Variants in ALPK2 observed in about 807,000 individuals in gnomAD.
ALPK2 encodes alpha-protein kinase 2.
ALPK2 carries 127 observed loss-of-function variants against 163.1 expected under a neutral mutation model. That is an observed-to-expected ratio of 0.78 (90% confidence interval 0.67 to 0.90). ALPK2 has a LOEUF of 0.90. Ranked by LOEUF, ALPK2 falls within the 40% of genes least tolerant of loss-of-function variation. The pLI, the probability that ALPK2 is intolerant of heterozygous loss-of-function variation, is 0.00. For missense variants in ALPK2, 2,360 were observed against 2,589.6 expected, an observed-to-expected ratio of 0.91 and a Z score of 1.92; for synonymous variants, 953 against 959.1, an observed-to-expected ratio of 0.99 and a Z score of 0.12.
chr18:58,565,142 A>G (rs1341485619), intron 4 of ALPK2, among the ~76,000 whole-genome samples: 1 of 152,238 alleles, frequency 6.6e-6, no homozygotes, highest in Non-Finnish European at 1.5e-5. Flanking sequence ...TGAGCAGGCC[A>G]CATTTTATTT....
chr18:58,577,643 TCTC>T (rs2051928769), intron 4 of ALPK2, among the ~76,000 whole-genome samples: 1 of 152,216 alleles, frequency 6.6e-6, no homozygotes, highest in Non-Finnish European at 1.5e-5. Flanking sequence ...AGAATCTGGT[TCTC>T]CTGTGAAAAG....
intron 12 of ALPK2, among the ~76,000 whole-genome samples, chr18:58,495,384 G>A (rs1452910221): frequency 6.6e-6 from 1 of 152,164 alleles, no homozygotes; most frequent in African/African-American, 2.4e-5. Context: ...GGGTGGGAAG[G>A]CAATGAGTAA....
intron 12 of ALPK2, among the ~76,000 whole-genome samples, chr18:58,488,821 A>G (rs2051355015): frequency 6.6e-6 from 1 of 152,072 alleles, no homozygotes; most frequent in African/African-American, 2.4e-5. Flanking sequence ...GGCTGGACTT[A>G]GGCTCCGGTA....
chr18:58,482,292 G>T (rs1296558346), intron 12 of ALPK2, among the ~76,000 whole-genome samples: 1 of 152,096 alleles, frequency 6.6e-6, no homozygotes. Flanking sequence ...AGGGGTCCCA[G>T]GTGCTCACGG....
chr18:58,530,488 G>A (rs945961987), intron 5 of ALPK2, among the ~76,000 whole-genome samples: 5 of 152,210 alleles, frequency 3.3e-5, no homozygotes, highest in East Asian at 1.9e-4. Flanking sequence ...TCCAGGTCTC[G>A]ACCAAGCCCA....
chr18:58,599,322 T>A (rs2052057152), intron 3 of ALPK2, among the ~76,000 whole-genome samples: 1 of 152,208 alleles, frequency 6.6e-6, no homozygotes, highest in Non-Finnish European at 1.5e-5. Context: ...GTCTGAGTCA[T>A]GGCCCTGATG....
At position 58,485,685 on chromosome 18, in the gene ALPK2, A is replaced by G. The variant is rs371343108; in HGVS notation, c.6297-3646T>C. 2.0e-5 allele frequency among the ~76,000 whole-genome samples: 3 copies of G among 152,184 alleles called. No homozygotes were observed. In the South Asian group the frequency reaches 6.2e-4, roughly 31 times the overall value. On this transcript the variant is annotated intron_variant, in intron 12 of 12. Transcript: ENST00000361673. ...CTGCAGGAGCTCCCTGAAAGGCTGA[A>G]ATGTCAGCTTGTCAGTGTTTCCTGT...
chr18:58,544,648 A>G (rs2051708304), intron 4 of ALPK2: 1 of 152,256 alleles, frequency 6.6e-6, no homozygotes, highest in Non-Finnish European at 1.5e-5. Context: ...CCACTGTATC[A>G]TCCTCTTCCA....
chr18:58,597,734 T>C (rs2052047921), intron 3 of ALPK2, among the ~76,000 whole-genome samples: 1 of 152,224 alleles, frequency 6.6e-6, no homozygotes. Flanking sequence ...TGCTAGCTAC[T>C]GAATTATGTC....
At chr18:58,529,752 C>A (rs952934113) in intron 5 of ALPK2, among the ~76,000 whole-genome samples, 2 of 152,220 alleles carry the variant, frequency 1.3e-5, no homozygotes, top group African/African-American at 4.8e-5. Flanking sequence ...CTTGTCTTTG[C>A]TGAAGATAAC....
chr18:58,535,593 C>G lies in ALPK2; in HGVS notation c.4594G>C (p.Ala1532Pro). The change falls in exon 5 of 13, where the codon GCA (alanine) becomes CCA (proline). Residue 1532 changes from alanine (A) to proline (P), a missense_variant. By Grantham distance (27) the Ala-to-Pro change is conservative. Coordinates refer to ENST00000361673, the MANE Select transcript of ALPK2 (RefSeq NM_052947.4). ...GEAEQSKKDKAELISPTSPLS... is the reference protein window; with the variant it reads ...GEAEQSKKDKPELISPTSPLS... ...GGTGAAGTGGGGGAAATCAATTCTG[C>G]TTTGTCCTTTTTGCTTTGCTCAGCC... The G allele has an allele frequency of 6.2e-7, 1 of 1,614,188 alleles. No individual in the cohort carries two copies. Among genetic ancestry groups the G allele is most frequent in the East Asian group, 2.2e-5 (1 of 44,874 alleles).
intron 6 of ALPK2, among the ~76,000 whole-genome samples, chr18:58,527,391 A>G (rs1229299574): frequency 2.0e-5 from 3 of 152,368 alleles, no homozygotes; most frequent in African/African-American, 7.2e-5. Context: ...CAACTAAGCC[A>G]GACACTGTCA....
At chr18:58,586,877 C>T (rs2051989531) in intron 3 of ALPK2, among the ~76,000 whole-genome samples, 1 of 151,664 alleles carries the variant, frequency 6.6e-6, no homozygotes. Flanking sequence ...GAATGAGATG[C>T]CCATGGGGTC....
chr18:58,486,958 T>G (rs2051341901), intron 12 of ALPK2, among the ~76,000 whole-genome samples: 2 of 152,238 alleles, frequency 1.3e-5, no homozygotes, highest in Non-Finnish European at 2.9e-5. Context: ...GTGACCCACC[T>G]TACATGCGAC....
chr18:58,530,367 G>A (rs2051606731), intron 5 of ALPK2, among the ~76,000 whole-genome samples: 1 of 152,224 alleles, frequency 6.6e-6, no homozygotes, highest in Non-Finnish European at 1.5e-5. Flanking sequence ...TTGAGAGAGA[G>A]AGAAAATGTA....
rs774748639 is a variant in ALPK2, at chr18:58,537,588, G to A, written c.2599C>T (p.Gln867Ter). The stretch of plus-strand genomic sequence containing the variant: ...GTAGACACTGAAGTCTCAGACACTT[G>A]TGTCTGAAAAAAGACTTCCAGTGTC... Reference protein sequence around the residue: ...DKTLEVFFQTQVSETSVSTCK... With the variant: ...DKTLEVFFQT The change falls in exon 5 of 13, where the codon CAA (glutamine) becomes TAA (stop). Residue 867 changes from glutamine to a stop codon, truncating the protein, a stop_gained. Coordinates refer to ENST00000361673, the MANE Select transcript of ALPK2 (RefSeq NM_052947.4). LOFTEE classifies it high-confidence loss of function. The A allele has an allele frequency of 3.7e-6, 6 of 1,613,710 alleles. No individual in the cohort carries two copies. The African/African-American group carries it at 4.0e-5, about 11-fold the overall frequency.
At chr18:58,510,228 T>C (rs1451754113) in intron 10 of ALPK2, among the ~76,000 whole-genome samples, 2 of 152,230 alleles carry the variant, frequency 1.3e-5, no homozygotes, top group Non-Finnish European at 2.9e-5. Context: ...GGCTCTGTTC[T>C]GTTCCATTGG....
chr18:58,502,506 C>T (rs1054337620), intron 11 of ALPK2, among the ~76,000 whole-genome samples: 2 of 152,206 alleles, frequency 1.3e-5, no homozygotes, highest in Non-Finnish European at 1.5e-5. Flanking sequence ...CCACAGGCTA[C>T]CAGGCTGGAA....
At chr18:58,527,522 C>A (rs570634227) in intron 6 of ALPK2, among the ~76,000 whole-genome samples, 1 of 152,246 alleles carries the variant, frequency 6.6e-6, no homozygotes, top group Non-Finnish European at 1.5e-5. Flanking sequence ...ATCGTAAATA[C>A]ACATCAAATG....
Sources: allele counts gnomAD v4.1 joint callset (sites outside exome capture counted in the v4.1 genomes callset), GRCh38; gene constraint gnomAD v4.1.1; transcripts MANE v1.5; gene names NCBI Gene and HGNC (gene_info 2026-07-23, HGNC 2026-07-21).